The following DCDC2B variants were observed in gnomAD, a reference collection of about 807,000 sequenced individuals.
DCDC2B encodes doublecortin domain containing 2B, also known as doublecortin domain-containing protein 2B.
A neutral mutation model predicts 38.9 loss-of-function variants in DCDC2B; 41 were observed. The observed-to-expected ratio is 1.05, with a 90% CI of 0.82 to 1.37. The LOEUF (loss-of-function observed/expected upper bound fraction) is 1.37, where lower values mean the gene tolerates loss of function less well. Among genes scored for constraint, DCDC2B ranks in the 40% most tolerant of loss-of-function variants. DCDC2B has a pLI of 0.00. For synonymous variants in DCDC2B, 181 were observed against 171.9 expected, an observed-to-expected ratio of 1.05 and a Z score of -0.41; for missense variants, 453 against 427.2, an observed-to-expected ratio of 1.06 and a Z score of -0.53.
Position 32,212,624 on chromosome 1 carries a change from C to T in DCDC2B, c.662C>T (p.Pro221Leu). Reference sequence around the variant, plus strand: ...CTGCTGGTGCCCAGCCCCTCCCTGCCCAGGGGCTGCTGGTATGTATGTGGG... The same window carrying T: ...CTGCTGGTGCCCAGCCCCTCCCTGCTCAGGGGCTGCTGGTATGTATGTGGG... ...LELLVPSPSL[P>L]RGCWQPPGSK... Residue 221 changes from proline (P) to leucine (L), a missense_variant, in exon 5 of 9, where the codon CCC (proline) becomes CTC (leucine). By Grantham distance (98) the Pro-to-Leu change is moderately conservative. Transcript: ENST00000409358. 4.3e-6 allele frequency: 7 copies of T among 1,613,988 alleles called. No individual in the cohort carries two copies. Among genetic ancestry groups the T allele is most frequent in the Non-Finnish European group, 5.9e-6 (7 of 1,179,890 alleles).
chr1:32,211,867 T>TA (rs1211917811), intron 3 of DCDC2B, 30 bp downstream of exon 3: 2 of 1,586,698 alleles, frequency 1.3e-6, no homozygotes, highest in African/African-American at 2.7e-5. Flanking sequence ...AGCAGGGGTG[T>TA]TGATGTTTGT....
In DCDC2B at chr1:32,211,261, T is replaced by C. The variant is rs761480603; in HGVS notation, c.267-11T>C. 2 of 1,613,656 alleles carry C rather than the reference T, an allele frequency of 1.2e-6. No homozygotes were observed. Among genetic ancestry groups the C allele is most frequent in the Non-Finnish European group, 1.7e-6 (2 of 1,179,678 alleles). The stretch of plus-strand genomic sequence containing the variant: ...TCCACAAGATGACCTGTGATCTATC[T>C]GTCCTTTCAGCTATTTACCCCATAG... On this transcript the variant is annotated splice_polypyrimidine_tract_variant and intron_variant, in intron 1 of 8. Coordinates refer to ENST00000409358, the MANE Select transcript of DCDC2B (RefSeq NM_001099434.2).
rs1316156825 is a variant in DCDC2B at position 32,212,630 on chromosome 1, G to A, written c.668G>A (p.Gly223Asp). Residue 223 changes from glycine (G) to aspartate (D), a missense_variant, in exon 5 of 9, where the codon GGC becomes GAC. Coordinates refer to ENST00000409358, the MANE Select transcript of DCDC2B (RefSeq NM_001099434.2). Reference protein sequence around the residue: ...LLVPSPSLPRGCWQPPGSKSR... With the variant: ...LLVPSPSLPRDCWQPPGSKSR... ...GTGCCCAGCCCCTCCCTGCCCAGGG[G>A]CTGCTGGTATGTATGTGGGAGGTGG... The A allele has an allele frequency of 1.9e-6, 3 of 1,613,882 alleles. No individual in the cohort carries two copies. The highest frequency in any genetic ancestry group is 2.2e-5 in the South Asian group (2 of 91,088).
At chr1:32,213,330 TTAA>T (rs1413128421) in intron 6 of DCDC2B, among the ~76,000 whole-genome samples, 4 of 151,390 alleles carry the variant, frequency 2.6e-5, no homozygotes, top group African/African-American at 4.9e-5. Flanking sequence ...CTGCATCCTC[TTAA>T]TAATTTTTTT....
At chr1:32,211,417 GGATCTGCCA>G in intron 2 of DCDC2B, 94 bp downstream of exon 2, 1 of 1,321,330 alleles carries the variant, frequency 7.6e-7, no homozygotes, top group South Asian at 1.2e-5. Context: ...GGAAGCAGCA[GGATCTGCCA>G]GTTCCAGGGG....
intron 2 of DCDC2B, among the ~76,000 whole-genome samples, 159 bp from the exon 3 acceptor site, chr1:32,211,602 T>A (rs1055428729): frequency 6.6e-6 from 1 of 152,098 alleles, no homozygotes; most frequent in Non-Finnish European, 1.5e-5. Context: ...TTAGGGAACA[T>A]CTAAGCACCG....
chr1:32,209,400 G>C, intron 1 of DCDC2B, 41 bp downstream of exon 1: 1 of 1,605,418 alleles, frequency 6.2e-7, no homozygotes, highest in Non-Finnish European at 8.5e-7. Flanking sequence ...AGCAAGGGAG[G>C]TAACGGCAAG....
chr1:32,212,187 T>C lies in DCDC2B; in HGVS notation c.513T>C (p.Ser171=). The change falls in exon 4 of 9, where the codon AGT becomes AGC. Residue 171 remains serine (S), a synonymous_variant. Coordinates refer to ENST00000409358, the MANE Select transcript of DCDC2B (RefSeq NM_001099434.2). ...TGACTGAGAAGGTCAAGTTGCAGAG[T>C]GGGGCTGTGTGCAAGTGAGTATGGG... ...KLLTEKVKLQ[S]GAVCKLCTLE... 4.3e-6 allele frequency: 7 copies of C among 1,613,230 alleles called. No individual in the cohort carries two copies. Among genetic ancestry groups the C allele is most frequent in the Non-Finnish European group, 5.9e-6 (7 of 1,179,814 alleles).
intron 1 of DCDC2B, among the ~76,000 whole-genome samples, chr1:32,209,805 A>C (rs1643505412): frequency 6.6e-6 from 1 of 152,170 alleles, no homozygotes; most frequent in Non-Finnish European, 1.5e-5. Flanking sequence ...GGGTGGGAGA[A>C]GAATTTGAGT....
In DCDC2B at chr1:32,215,478, G is replaced by A; in HGVS notation, c.889G>A (p.Glu297Lys). Residue 297 changes from glutamate to lysine, a missense_variant, in exon 8 of 9, where the codon GAG becomes AAG. Glu to Lys is a moderately conservative substitution (Grantham distance 56). Coordinates refer to ENST00000409358, the MANE Select transcript of DCDC2B (RefSeq NM_001099434.2). ...ATATGGAGCTCCCCACCGAAGGAAG[G>A]AGACAGCGGGGGCCCTGGAAGTAGC... ...GVYGAPHRRK[E>K]TAGALEVADD... 1.2e-6 allele frequency: 2 copies of A among 1,613,642 alleles called. No individual in the cohort carries two copies. Among genetic ancestry groups the A allele is most frequent in the Non-Finnish European group, 1.7e-6 (2 of 1,179,828 alleles).
chr1:32,216,069 C>T lies in DCDC2B; in HGVS notation c.*172C>T, dbSNP rs936039834. On this transcript the variant is annotated 3_prime_UTR_variant, in exon 9 of 9. Transcript: ENST00000409358. ...CTCCTAAACCCACAGCCCAGCCTTC[C>T]CTTCCTCTGAGCAGAGCAGCCCTGG... is the stretch of plus-strand genomic sequence containing the variant. 1 of 716,954 alleles carries T rather than the reference C, an allele frequency of 1.4e-6. No individual in the cohort carries two copies. 44.4% of individuals were successfully genotyped at this position (716,954 alleles called of 1,614,324 possible). A position where few individuals can be genotyped will look rare whatever the true frequency, so the allele number is the denominator to read the frequency against.
chr1:32,212,201 A>G lies in DCDC2B; in HGVS notation c.527A>G (p.Lys176Arg). 1.2e-6 allele frequency: 2 copies of G among 1,612,918 alleles called. No individual in the cohort carries two copies. ...AAGTTGCAGAGTGGGGCTGTGTGCA[A>G]GTGAGTATGGGGACTGCGAGGGCCC... ...KVKLQSGAVC[K>R]LCTLEGLPLS... Residue 176 changes from lysine (K) to arginine (R), a missense_variant and splice_region_variant, in exon 4 of 9, where the codon AAA (lysine) becomes AGA (arginine). Transcript: ENST00000409358.
intron 1 of DCDC2B, among the ~76,000 whole-genome samples, chr1:32,210,452 C>G (rs1212428272): frequency 2.0e-5 from 3 of 150,696 alleles, no homozygotes; most frequent in Admixed American, 2.0e-4. Context: ...GAGCTGAGAT[C>G]GCACAACTGC....
At position 32,214,917 on chromosome 1, in the gene DCDC2B, C is replaced by T. The variant is rs1428178498; in HGVS notation, c.835C>T (p.Leu279Phe). 1.2e-6 allele frequency: 2 copies of T among 1,613,884 alleles called. No homozygotes were observed. Among genetic ancestry groups the T allele is most frequent in the Non-Finnish European group, 8.5e-7 (1 of 1,179,902 alleles). ...TCAGCCAAGAAGCAAGCTCCCCACA[C>T]TCTCATTCCCATCAGGTGAGGGGTC... Reference protein sequence around the residue: ...TIQPRSKLPTLSFPSGVIGVY... With the variant: ...TIQPRSKLPTFSFPSGVIGVY... Residue 279 changes from leucine to phenylalanine, a missense_variant, in exon 7 of 9, where the codon CTC becomes TTC. Transcript: ENST00000409358.
intron 5 of DCDC2B, 25 bp downstream of exon 5, chr1:32,212,661 T>G (rs1557531382): frequency 6.2e-7 from 1 of 1,611,782 alleles, no homozygotes; most frequent in South Asian, 1.1e-5. Context: ...GGTGGAGCGG[T>G]AACAGGCCGG....
At chr1:32,213,799 C>T (rs1056018152) in intron 6 of DCDC2B, among the ~76,000 whole-genome samples, 4 of 150,994 alleles carry the variant, frequency 2.6e-5, no homozygotes, top group Admixed American at 2.0e-4. Context: ...CGTGAGCCAC[C>T]GCGCTCAGCC....
intron 7 of DCDC2B, 66 bp from the exon 8 acceptor site, chr1:32,215,374 G>A: frequency 1.5e-6 from 2 of 1,358,702 alleles, no homozygotes; most frequent in Non-Finnish European, 1.0e-6. Context: ...TAGCATGAAG[G>A]TCCAGGGCAG....
At position 32,212,660 on chromosome 1, in the gene DCDC2B, G is replaced by A. The variant is rs148295213; in HGVS notation, c.674+24G>A. 125 of 1,613,346 alleles carry A rather than the reference G, an allele frequency of 7.7e-5. No individual in the cohort carries two copies. In the African/African-American group the frequency reaches 1.2e-3, roughly 15 times the overall value. ...TGGTATGTATGTGGGAGGTGGAGCG[G>A]TAACAGGCCGGGCAGAGGAAGCCAC... On this transcript the variant is annotated intron_variant, in intron 5 of 8. Coordinates refer to ENST00000409358, the MANE Select transcript of DCDC2B (RefSeq NM_001099434.2).
rs1391821479 is a variant in DCDC2B, at chr1:32,215,448, G to A, written c.859G>A (p.Gly287Arg). Residue 287 changes from glycine to arginine, a missense_variant, in exon 8 of 9, where the codon GGA (glycine) becomes AGA (arginine). Transcript: ENST00000409358. The part of the protein sequence containing the change: ...PTLSFPSGVI[G>R]VYGAPHRRKE... ...CTGCCTCCCCTCTTTAGGAGTTATA[G>A]GAGTATATGGAGCTCCCCACCGAAG... 6.2e-7 allele frequency: 1 copy of A among 1,612,032 alleles called. No homozygotes were observed. Among genetic ancestry groups the A allele is most frequent in the Non-Finnish European group, 8.5e-7 (1 of 1,179,318 alleles).
Sources: gnomAD v4.1 joint callset for allele counts (sites outside exome capture counted in the v4.1 genomes callset) on GRCh38, gnomAD v4.1.1 for gene constraint, MANE v1.5 for transcripts, NCBI Gene and HGNC (gene_info 2026-07-23, HGNC 2026-07-21) for gene names.